NAALADL2: variants seen among roughly 807,000 people sequenced by gnomAD.
NAALADL2 encodes N-acetylated alpha-linked acidic dipeptidase like 2.
A neutral mutation model predicts 87.2 loss-of-function variants in NAALADL2; 76 were observed. That is an observed-to-expected ratio of 0.87 (90% CI 0.72 to 1.05). The LOEUF (loss-of-function observed/expected upper bound fraction) is 1.05. NAALADL2 is among the 50% of genes least tolerant of loss of function. NAALADL2 has a pLI of 0.00. For missense variants in NAALADL2, 1,089 were observed against 945.8 expected (o/e 1.15, Z -1.99); for synonymous variants, 354 against 331.0 (o/e 1.07, Z -0.75).
At chr3:175,381,790 T>C (rs987656828) in intron 5 of NAALADL2, among the ~76,000 whole-genome samples, 3 of 152,194 alleles carry the variant, frequency 2.0e-5, no homozygotes, top group Admixed American at 2.0e-4. Flanking sequence ...AGTTTTTGTG[T>C]GACGTGTGTC....
At chr3:175,578,953 A>C (rs1719326762) in intron 10 of NAALADL2, among the ~76,000 whole-genome samples, 1 of 152,214 alleles carries the variant, frequency 6.6e-6, no homozygotes, top group Non-Finnish European at 1.5e-5. Flanking sequence ...TGAATACTCA[A>C]CTAAGGGTCA....
intron 5 of NAALADL2, among the ~76,000 whole-genome samples, chr3:175,379,956 A>G (rs989793819): frequency 6.6e-6 from 1 of 152,122 alleles, no homozygotes; most frequent in African/African-American, 2.4e-5. Context: ...AGGACAAAAA[A>G]CCAAACACTG....
At chr3:175,218,117 A>T (rs1437358761) in intron 2 of NAALADL2, 1 of 447,774 alleles carries the variant, frequency 2.2e-6, no homozygotes, top group African/African-American at 2.0e-5. Flanking sequence ...GGCTTGATGA[A>T]ATTAAGGTAA....
rs535339121 is a variant in NAALADL2 at position 175,333,584 on chromosome 3, C to T, written c.1090+9259C>T. On this transcript the variant is annotated intron_variant, in intron 5 of 13. Coordinates refer to ENST00000454872, the MANE Select transcript of NAALADL2 (RefSeq NM_207015.3). ...AACAAGGCATAGAAATATAAATATG[C>T]GTGTTCTTACTCATATGTAGGAGCT... 9.7e-4 allele frequency among the ~76,000 whole-genome samples: 147 copies of T among 152,076 alleles called. 1 individual carries two copies. Among genetic ancestry groups the T allele is most frequent in the Non-Finnish European group, 1.5e-3 (105 of 67,982 alleles).
chr3:174,759,754 G>A (rs1456747343), intron 3 of NAALADL2, among the ~76,000 whole-genome samples: 1 of 150,942 alleles, frequency 6.6e-6, no homozygotes, highest in Non-Finnish European at 1.5e-5. Flanking sequence ...AGGCTGGAGT[G>A]CAACGGCATT....
intron 2 of NAALADL2, among the ~76,000 whole-genome samples, chr3:174,633,705 C>T (rs1490335379): frequency 6.6e-6 from 1 of 152,178 alleles, no homozygotes; most frequent in African/African-American, 2.4e-5. Flanking sequence ...AGGGTTTCCT[C>T]AGTGAAAAAC....
chr3:175,666,291 A>G (rs1391530571), intron 11 of NAALADL2, among the ~76,000 whole-genome samples: 5 of 152,146 alleles, frequency 3.3e-5, no homozygotes. Context: ...GTTCAGAGAA[A>G]GGAGGTAGAA....
chr3:174,930,061 T>C (rs547792409), intron 1 of NAALADL2, among the ~76,000 whole-genome samples: 5 of 152,262 alleles, frequency 3.3e-5, no homozygotes, highest in African/African-American at 7.2e-5. Context: ...GTGTAGACCA[T>C]AGACTTATGA....
chr3:175,141,509 G>C (rs1322016342), intron 2 of NAALADL2, among the ~76,000 whole-genome samples: 1 of 152,042 alleles, frequency 6.6e-6, no homozygotes, highest in Admixed American at 6.6e-5. Flanking sequence ...TGAACTATAA[G>C]TAAAGGCATC....
At chr3:175,253,096 T>C (rs1204667708) in intron 3 of NAALADL2, among the ~76,000 whole-genome samples, 1 of 152,216 alleles carries the variant, frequency 6.6e-6, no homozygotes, top group African/African-American at 2.4e-5. Context: ...CAAGAGATTT[T>C]CCGTGTAGAC....
At chr3:175,517,567 T>G (rs527442552) in intron 9 of NAALADL2, among the ~76,000 whole-genome samples, 1 of 152,266 alleles carries the variant, frequency 6.6e-6, no homozygotes, top group African/African-American at 2.4e-5. Flanking sequence ...ATTACTACAA[T>G]TATTTAATTA....
chr3:174,807,160 C>T, intron 3 of NAALADL2, among the ~76,000 whole-genome samples: 1 of 152,082 alleles, frequency 6.6e-6, no homozygotes, highest in South Asian at 2.1e-4. Context: ...TTATGATGTG[C>T]TACTTTAATT....
chr3:174,513,230 G>T (rs1184673366), intron 1 of NAALADL2, among the ~76,000 whole-genome samples: 2 of 152,058 alleles, frequency 1.3e-5, no homozygotes, highest in Middle Eastern at 6.3e-3. Context: ...GAAGTGCTGG[G>T]ATTACACTTC....
chr3:174,905,524 A>G (rs2108275917), intron 1 of NAALADL2, among the ~76,000 whole-genome samples: 1 of 152,178 alleles, frequency 6.6e-6, no homozygotes, highest in South Asian at 2.1e-4. Flanking sequence ...TTTTCATAAG[A>G]CACAGGAAAC....
chr3:175,190,901 C>G (rs1320851013), intron 2 of NAALADL2, among the ~76,000 whole-genome samples: 1 of 150,622 alleles, frequency 6.6e-6, no homozygotes, highest in Admixed American at 6.6e-5. Flanking sequence ...TGGCGTGAAC[C>G]CGGGAGGCGG....
chr3:175,388,462 C>T lies in NAALADL2; in HGVS notation c.1091-58767C>T, dbSNP rs148151712. Among the ~76,000 whole-genome samples the T allele has an allele frequency of 6.9e-4, 105 of 152,068 alleles. No individual in the cohort carries two copies. The East Asian group carries it at 9.1e-3, about 13-fold the overall frequency. On this transcript the variant is annotated intron_variant, in intron 5 of 13. Transcript: ENST00000454872. ...TCTCAATGCCATAAAATACAAAAATCGATGTTGAGTGAAATTATATAGGAA... is the reference window on the plus strand; with the variant it reads ...TCTCAATGCCATAAAATACAAAAATTGATGTTGAGTGAAATTATATAGGAA...
chr3:175,303,960 A>G (rs908392067), intron 4 of NAALADL2, among the ~76,000 whole-genome samples: 3 of 152,146 alleles, frequency 2.0e-5, no homozygotes, highest in Non-Finnish European at 4.4e-5. Context: ...AAATCTTTGT[A>G]AAATTATGTT....
rs541354966 is a variant in NAALADL2 at position 175,712,683 on chromosome 3, C to G, written c.1897-24623C>G. ...GTATAGATGCATCAGAAGGTTCTGT[C>G]TGTGGGGAACAGGAACACATCAGAC... On this transcript the variant is annotated intron_variant, in intron 11 of 13. Coordinates refer to ENST00000454872, the MANE Select transcript of NAALADL2 (RefSeq NM_207015.3). Among the ~76,000 whole-genome samples, 36 of 152,168 alleles carry G rather than the reference C, an allele frequency of 2.4e-4. No homozygotes were observed. The East Asian group carries it at 3.7e-3, about 16-fold the overall frequency.
chr3:174,696,165 G>A (rs1411541020), intron 2 of NAALADL2, among the ~76,000 whole-genome samples: 1 of 151,940 alleles, frequency 6.6e-6, no homozygotes, highest in Non-Finnish European at 1.5e-5. Context: ...GTATTACATA[G>A]GATGAGTGTG....
Sources: gnomAD v4.1 joint callset for allele counts (sites outside exome capture counted in the v4.1 genomes callset) on GRCh38, gnomAD v4.1.1 for gene constraint, MANE v1.5 for transcripts, NCBI Gene and HGNC (gene_info 2026-07-23, HGNC 2026-07-21) for gene names.